ZNF839: variants seen among roughly 807,000 people sequenced by gnomAD.
ZNF839 encodes the protein zinc finger protein 839.
A neutral mutation model predicts 56.4 loss-of-function variants in ZNF839; 38 were observed. That is an observed-to-expected ratio of 0.67 (90% confidence interval 0.52 to 0.88). The LOEUF (loss-of-function observed/expected upper bound fraction) is 0.88, where lower values mean the gene tolerates loss of function less well. Among genes scored for constraint, ZNF839 ranks in the 40% least tolerant of loss-of-function variants. ZNF839 has a pLI of 0.00. For synonymous variants in ZNF839, 486 were observed against 493.5 expected, an observed-to-expected ratio of 0.98 and a Z score of 0.20; for missense variants, 1,091 against 1,177.6, an observed-to-expected ratio of 0.93 and a Z score of 1.08.
chr14:102,341,425 A>C lies in ZNF839; in HGVS notation c.2030A>C (p.Gln677Pro), dbSNP rs757327981. The C allele has an allele frequency of 6.3e-6, 10 of 1,589,802 alleles. No homozygotes were observed. In the South Asian group the frequency reaches 1.1e-4, roughly 18 times the overall value. The change falls in exon 8 of 8, where the codon CAG becomes CCG. Residue 677 changes from glutamine to proline, a missense_variant. Coordinates refer to ENST00000442396, the MANE Select transcript of ZNF839 (RefSeq NM_018335.6). ...GNGSVFQAGP[Q>P]LQALANLEAR... ...GGGAGCGTGTTCCAGGCGGGCCCGC[A>C]GCTTCAGGCACTGGCTAACTTAGAA...
At chr14:102,320,908 T>C (rs1404934568) in intron 1 of ZNF839, among the ~76,000 whole-genome samples, 1 of 152,014 alleles carries the variant, frequency 6.6e-6, no homozygotes, top group Non-Finnish European at 1.5e-5. Flanking sequence ...AGCGCTGGGG[T>C]TGTAAACAAA....
intron 1 of ZNF839, among the ~76,000 whole-genome samples, chr14:102,324,014 T>A (rs986340041): frequency 6.6e-6 from 1 of 152,226 alleles, no homozygotes; most frequent in Non-Finnish European, 1.5e-5. Flanking sequence ...CTGAACTATA[T>A]ATTTTTAGAA....
chr14:102,324,811 G>A (rs1007593147), intron 1 of ZNF839, among the ~76,000 whole-genome samples: 1 of 151,984 alleles, frequency 6.6e-6, no homozygotes, highest in Non-Finnish European at 1.5e-5. Flanking sequence ...TAGCCGGGGC[G>A]TGGTGGTACG....
intron 2 of ZNF839, among the ~76,000 whole-genome samples, chr14:102,329,243 C>G (rs972823854): frequency 6.6e-6 from 1 of 152,220 alleles, no homozygotes; most frequent in Non-Finnish European, 1.5e-5. Context: ...GCTGGGATTA[C>G]AGGCGTGAGC....
In ZNF839 at chr14:102,326,095, G is replaced by GC. The variant is rs1880848812; in HGVS notation, c.403dup (p.Arg135ProfsTer34). On this transcript the variant is annotated frameshift_variant, in exon 2 of 8. Transcript: ENST00000442396. LOFTEE classifies it high-confidence loss of function. This position sits in a 1 kb window ranked among gnomAD's most constrained non-coding sequence, Gnocchi z 4.3. ...CCCAAACTGCAAGAAAGAGCCAGCT[G>GC]CCCCGGGGGAATTCCTGCCTGGTGG... is the stretch of plus-strand genomic sequence containing the variant. The GC allele has an allele frequency of 6.2e-7, 1 of 1,613,858 alleles. No individual in the cohort carries two copies. The highest frequency in any genetic ancestry group is 8.5e-7 in the Non-Finnish European group (1 of 1,179,880).
At chr14:102,327,271 G>A (rs961862269) in intron 2 of ZNF839, among the ~76,000 whole-genome samples, 2 of 152,070 alleles carry the variant, frequency 1.3e-5, no homozygotes, top group African/African-American at 4.8e-5. Context: ...CTCGCAAGTA[G>A]CTGGGATTAC....
intron 1 of ZNF839, among the ~76,000 whole-genome samples, chr14:102,323,742 A>G (rs1319433797): frequency 6.6e-6 from 1 of 152,230 alleles, no homozygotes; most frequent in Non-Finnish European, 1.5e-5. Context: ...ACGCCTAGGT[A>G]CATGCCCCTG....
At chr14:102,328,039 A>C (rs1187258330) in intron 2 of ZNF839, among the ~76,000 whole-genome samples, 2 of 151,864 alleles carry the variant, frequency 1.3e-5, no homozygotes, top group Non-Finnish European at 2.9e-5. Context: ...TTGCATTATC[A>C]CATCAAAAAA....
chr14:102,320,130 C>T (rs946706380), intron 1 of ZNF839, 77 bp downstream of exon 1: 21 of 1,079,280 alleles, frequency 1.9e-5, no homozygotes, highest in Non-Finnish European at 2.4e-5. Flanking sequence ...GCTGCTTGTC[C>T]GGGGAGGCCA....
chr14:102,334,658 T>C lies in ZNF839; in HGVS notation c.1509+12T>C. The C allele has an allele frequency of 6.4e-7, 1 of 1,553,556 alleles. No individual in the cohort carries two copies. Among genetic ancestry groups the C allele is most frequent in the Non-Finnish European group, 8.9e-7 (1 of 1,128,570 alleles). The stretch of plus-strand genomic sequence containing the variant: ...TTCTTCTGATGAAGGTGAGTACTCT[T>C]AGTGTTTCTAAATGATAGCGGGATG... On this transcript the variant is annotated intron_variant, in intron 4 of 7. Coordinates refer to ENST00000442396, the MANE Select transcript of ZNF839 (RefSeq NM_018335.6).
Position 102,339,185 on chromosome 14 carries a change from G to T in ZNF839, c.1889G>T (p.Gly630Val), listed in dbSNP as rs112729291. The change falls in exon 7 of 8, where the codon GGC becomes GTC. Residue 630 changes from glycine (G) to valine (V), a missense_variant. Physicochemically the swap from Gly to Val is moderately radical, Grantham distance 109. Coordinates refer to ENST00000442396, the MANE Select transcript of ZNF839 (RefSeq NM_018335.6). ...GAATCTCTTGCTGCCAACAGCAGAG[G>T]CCGGGAGAAGCCCAGGCCCTTGCAT... The part of the protein sequence containing the change: ...TTESLAANSR[G>V]REKPRPLHAL... 39 of 1,612,192 alleles carry T rather than the reference G, an allele frequency of 2.4e-5. 2 individuals carry two copies. Among genetic ancestry groups the T allele is most frequent in the African/African-American group, 2.0e-4 (15 of 75,050 alleles).
At chr14:102,321,828 A>G (rs761873257) in intron 1 of ZNF839, among the ~76,000 whole-genome samples, 17 of 152,150 alleles carry the variant, frequency 1.1e-4, no homozygotes, top group Admixed American at 7.2e-4. Context: ...TGAGTTGAAA[A>G]TGCAGAAGGG....
At chr14:102,337,998 A>G (rs1002011167) in intron 5 of ZNF839, among the ~76,000 whole-genome samples, 1 of 152,036 alleles carries the variant, frequency 6.6e-6, no homozygotes, top group Non-Finnish European at 1.5e-5. Context: ...GACTCAGGAG[A>G]TGGTGGCTCA....
At position 102,319,799 on chromosome 14, in the gene ZNF839, A is replaced by AGCGAGGATGGCGGCGGCGGCG. The variant is rs2073019710; in HGVS notation, c.38_58dup (p.Glu13_Gly19dup). 8.1e-7 allele frequency: 1 copy of AGCGAGGATGGCGGCGGCGGCG among 1,232,226 alleles called. No individual in the cohort carries two copies. Among genetic ancestry groups the AGCGAGGATGGCGGCGGCGGCG allele is most frequent in the South Asian group, 4.0e-5 (1 of 25,276 alleles). 76.3% of individuals were successfully genotyped at this position (1,232,226 alleles called of 1,614,324 possible). Reference sequence around the variant, plus strand: ...TGCGGAGCCGGAGGCTGGGGGCGGCAGCGAGGATGGCGGCGGCGGCGGCGG... The same window carrying AGCGAGGATGGCGGCGGCGGCG: ...TGCGGAGCCGGAGGCTGGGGGCGGCAGCGAGGATGGCGGCGGCGGCGGCGAGGATGGCGGCGGCGGCGGCGG... On this transcript the variant is annotated inframe_insertion, in exon 1 of 8. Coordinates refer to ENST00000442396, the MANE Select transcript of ZNF839 (RefSeq NM_018335.6). This position sits in a 1 kb window ranked among gnomAD's most constrained non-coding sequence, Gnocchi z 4.5.
chr14:102,320,580 T>TA (rs1305641908), intron 1 of ZNF839, among the ~76,000 whole-genome samples: 7 of 152,166 alleles, frequency 4.6e-5, no homozygotes, highest in Non-Finnish European at 5.9e-5. Flanking sequence ...TTTTCAGTTG[T>TA]AAGGTGCCAA....
At chr14:102,320,095 G>T in intron 1 of ZNF839, 42 bp downstream of exon 1, 1 of 1,157,788 alleles carries the variant, frequency 8.6e-7, no homozygotes, top group Admixed American at 4.7e-5. Flanking sequence ...AGGCCCGAAG[G>T]GGGCCGACGC....
Position 102,335,858 on chromosome 14 carries a change from G to C in ZNF839, c.1659+20G>C. The C allele has an allele frequency of 6.2e-7, 1 of 1,607,590 alleles. No individual in the cohort carries two copies. Among genetic ancestry groups the C allele is most frequent in the Non-Finnish European group, 8.5e-7 (1 of 1,179,428 alleles). ...GATAAGGTAACAATCTCCCATGGCAGAAAGAGTTTTGCTCATAGAGTTAGC... is the reference window on the plus strand; with the variant it reads ...GATAAGGTAACAATCTCCCATGGCACAAAGAGTTTTGCTCATAGAGTTAGC... On this transcript the variant is annotated intron_variant, in intron 5 of 7. Coordinates refer to ENST00000442396, the MANE Select transcript of ZNF839 (RefSeq NM_018335.6).
rs746354839 is a variant in ZNF839 at position 102,338,906 on chromosome 14, G to A, written c.1750G>A (p.Asp584Asn). Residue 584 changes from aspartate to asparagine, a missense_variant, in exon 6 of 8, where the codon GAT (aspartate) becomes AAT (asparagine). Coordinates refer to ENST00000442396, the MANE Select transcript of ZNF839 (RefSeq NM_018335.6). ...LGPKHLSRDMDGEQLEGASSE... is the reference protein window; with the variant it reads ...LGPKHLSRDMNGEQLEGASSE... ...ACCCAAGCACCTCAGCCGAGACATG[G>A]ATGGGGAGCAGCTAGAGGGAGCTAG... The A allele has an allele frequency of 1.3e-5, 21 of 1,613,898 alleles. No homozygotes were observed. The highest frequency in any genetic ancestry group is 4.0e-5 in the African/African-American group (3 of 74,924).
In ZNF839 at chr14:102,326,676, G is replaced by A. The variant is rs762488197; in HGVS notation, c.980G>A (p.Gly327Glu). 15 of 1,612,140 alleles carry A rather than the reference G, an allele frequency of 9.3e-6. No individual in the cohort carries two copies. Among genetic ancestry groups the A allele is most frequent in the Non-Finnish European group, 1.2e-5 (14 of 1,179,228 alleles). ...GAAAAGTCATATATAGGGAAGGGGGGACTGGCCCGACATTTTAAACTTAAC... is the reference window on the plus strand; with the variant it reads ...GAAAAGTCATATATAGGGAAGGGGGAACTGGCCCGACATTTTAAACTTAAC... ...TCEKSYIGKGGLARHFKLNPG... is the reference protein window; with the variant it reads ...TCEKSYIGKGELARHFKLNPG... The change falls in exon 2 of 8, where the codon GGA becomes GAA. Residue 327 changes from glycine to glutamate, a missense_variant. Physicochemically the swap from Gly to Glu is moderately conservative, Grantham distance 98 (BLOSUM62 -2). This residue lies in a region of ZNF839 where 614 missense variants were observed against 629.2 expected (regional missense o/e 0.98). Coordinates refer to ENST00000442396, the MANE Select transcript of ZNF839 (RefSeq NM_018335.6). The surrounding 1 kb of genome is among the most constrained non-coding windows in gnomAD (Gnocchi z 4.3).
Sources: gnomAD v4.1 joint callset for allele counts (sites outside exome capture counted in the v4.1 genomes callset) on GRCh38, gnomAD v4.1.1 for gene constraint, gnomAD v4.1.1 regional missense constraint, Gnocchi (gnomAD v3.1) non-coding constraint, MANE v1.5 for transcripts, NCBI Gene and HGNC (gene_info 2026-07-23, HGNC 2026-07-21) for gene names.